DNAH7: variants seen among roughly 807,000 people sequenced by gnomAD.
DNAH7 encodes the protein axonemal beta dynein heavy chain 7.
In DNAH7, 397 loss-of-function variants were observed where a neutral mutation model predicts 444.6. That is an observed-to-expected ratio of 0.89 (90% confidence interval 0.82 to 0.97). The LOEUF is 0.97. Among genes scored for constraint, DNAH7 ranks in the 50% least tolerant of loss-of-function variants. The pLI, the probability that DNAH7 is intolerant of heterozygous loss-of-function variation, is 0.00. For synonymous variants in DNAH7, 1,636 were observed against 1,624.4 expected (o/e 1.01, Z -0.17); for missense variants, 4,902 against 4,800.8 (o/e 1.02, Z -0.62).
chr2:195,898,212 C>G (rs564600300), intron 28 of DNAH7, among the ~76,000 whole-genome samples: 1 of 152,060 alleles, frequency 6.6e-6, no homozygotes, highest in Non-Finnish European at 1.5e-5. Context: ...ATTTTGATGC[C>G]AAGGCCTTTT....
intron 61 of DNAH7, among the ~76,000 whole-genome samples, chr2:195,761,363 T>C (rs1157424289): frequency 2.6e-5 from 4 of 152,112 alleles, no homozygotes; most frequent in Non-Finnish European, 5.9e-5. Flanking sequence ...AGGGCAAATC[T>C]AACACTTATT....
intron 5 of DNAH7, among the ~76,000 whole-genome samples, chr2:196,034,877 T>C (rs1194222655): frequency 6.6e-6 from 1 of 152,136 alleles, no homozygotes; most frequent in African/African-American, 2.4e-5. Context: ...ACGTAAGAGT[T>C]AAAATTATTT....
At chr2:196,019,437 T>A in intron 8 of DNAH7, 142 bp from the exon 9 acceptor site, 2 of 560,242 alleles carry the variant, frequency 3.6e-6, no homozygotes, top group Non-Finnish European at 2.7e-6. Flanking sequence ...AATTATGTTT[T>A]AAAATATATA....
chr2:195,760,011 A>T (rs1694275108), intron 61 of DNAH7, among the ~76,000 whole-genome samples: 1 of 152,156 alleles, frequency 6.6e-6, no homozygotes, highest in Non-Finnish European at 1.5e-5. Flanking sequence ...CTTCTTAATC[A>T]ATACTTGGCT....
chr2:195,778,079 C>T, intron 58 of DNAH7, 94 bp from the exon 59 acceptor site: 2 of 1,237,310 alleles, frequency 1.6e-6, no homozygotes, highest in Non-Finnish European at 2.1e-6. Flanking sequence ...AAACATCTTA[C>T]AAAAAGTTCG....
intron 57 of DNAH7, among the ~76,000 whole-genome samples, chr2:195,794,024 G>A (rs1254905727): frequency 6.6e-6 from 1 of 152,074 alleles, no homozygotes; most frequent in African/African-American, 2.4e-5. Flanking sequence ...TTAATATCCT[G>A]AAACAAGATT....
intron 64 of DNAH7, among the ~76,000 whole-genome samples, chr2:195,740,047 G>T (rs912653022): frequency 6.6e-6 from 1 of 151,976 alleles, no homozygotes; most frequent in East Asian, 1.9e-4. Context: ...GCAATGGTGC[G>T]ATCTAAGCTC....
At chr2:195,797,303 G>A (rs577507017) in intron 55 of DNAH7, among the ~76,000 whole-genome samples, 1 of 152,242 alleles carries the variant, frequency 6.6e-6, no homozygotes, top group Non-Finnish European at 1.5e-5. Flanking sequence ...CTCCTTTCTG[G>A]GGTAGTTATC....
chr2:195,921,352 TACACACACACACACACAC>T (rs140152411), intron 24 of DNAH7, among the ~76,000 whole-genome samples: 1 of 140,380 alleles, frequency 7.1e-6, no homozygotes, highest in East Asian at 2.2e-4. Context: ...AAATGTGGTG[TACACACACACACACACAC>T]ACACACACAC....
chr2:195,927,372 T>C (rs914819408), intron 21 of DNAH7, among the ~76,000 whole-genome samples: 2 of 152,094 alleles, frequency 1.3e-5, no homozygotes, highest in African/African-American at 4.8e-5. Flanking sequence ...ATTTCTACTC[T>C]TGCTGGGATA....
chr2:195,873,793 A>G, intron 38 of DNAH7, 99 bp from the exon 39 acceptor site: 4 of 850,232 alleles, frequency 4.7e-6, no homozygotes, highest in Non-Finnish European at 6.6e-6. Context: ...AAGATGGACA[A>G]ATTCACGGCA....
Position 196,026,935 on chromosome 2 carries a change from A to G in DNAH7, c.492T>C (p.Tyr164=), listed in dbSNP as rs906108196. The change falls in exon 7 of 65, where the codon TAT becomes TAC. Residue 164 remains tyrosine, a synonymous_variant. Transcript: ENST00000312428. The stretch of plus-strand genomic sequence containing the variant: ...CAATTCCATGGTGAATATAATAGTA[A>G]TATCTCTACAAAAAGAAGATAGGAA... The part of the protein sequence containing the change: ...ASAIEKDILR[Y]YYYIHHGIDT... The G allele has an allele frequency of 1.9e-6, 3 of 1,582,744 alleles. No homozygotes were observed. Among genetic ancestry groups the G allele is most frequent in the Non-Finnish European group, 2.6e-6 (3 of 1,163,378 alleles).
intron 10 of DNAH7, among the ~76,000 whole-genome samples, chr2:196,002,641 T>G (rs1694109567): frequency 1.3e-5 from 2 of 152,216 alleles, no homozygotes; most frequent in Admixed American, 1.3e-4. Flanking sequence ...TTGAAATATA[T>G]TTATTCATCC....
intron 41 of DNAH7, among the ~76,000 whole-genome samples, chr2:195,863,627 C>T (rs341937): frequency 0.24 from 36,299 of 152,082 alleles, 6,969 homozygotes; most frequent in African/African-American, 0.54. Context: ...AAGTGAGACA[C>T]AGGGGTATTT....
chr2:195,813,064 A>G (rs1471591401), intron 51 of DNAH7, among the ~76,000 whole-genome samples: 1 of 152,192 alleles, frequency 6.6e-6, no homozygotes, highest in Non-Finnish European at 1.5e-5. Context: ...CATCAATTTC[A>G]TTCCTGGATA....
chr2:195,817,855 T>C (rs781387862), intron 49 of DNAH7, 26 bp from the exon 50 acceptor site: 1 of 1,508,286 alleles, frequency 6.6e-7, no homozygotes, highest in Non-Finnish European at 8.9e-7. Context: ...TATACAAAAA[T>C]TACATCATTA....
chr2:195,741,572 A>G (rs976926133), intron 63 of DNAH7, among the ~76,000 whole-genome samples: 7 of 152,232 alleles, frequency 4.6e-5, no homozygotes, highest in African/African-American at 1.7e-4. Flanking sequence ...AGACTTTGGG[A>G]AGACCAAAGT....
At chr2:195,750,484 A>T (rs1693731298) in intron 63 of DNAH7, among the ~76,000 whole-genome samples, 3 of 152,224 alleles carry the variant, frequency 2.0e-5, no homozygotes, top group South Asian at 4.1e-4. Flanking sequence ...AAAAAAATTC[A>T]TGCATCTGAA....
intron 40 of DNAH7, among the ~76,000 whole-genome samples, chr2:195,865,737 TA>T: frequency 6.6e-6 from 1 of 152,270 alleles, no homozygotes; most frequent in Non-Finnish European, 1.5e-5. Context: ...GTTGAAGCCA[TA>T]ACTCTCAATG....
Sources: allele counts gnomAD v4.1 joint callset (sites outside exome capture counted in the v4.1 genomes callset), GRCh38; gene constraint gnomAD v4.1.1; transcripts MANE v1.5; gene names NCBI Gene and HGNC (gene_info 2026-07-23, HGNC 2026-07-21).